ZNF646: variants seen among roughly 807,000 people sequenced by gnomAD.
ZNF646 encodes zinc finger protein 646.
Under a neutral mutation model 115.4 loss-of-function variants are expected in ZNF646, and 49 were observed. The ratio of observed to expected loss-of-function variants is 0.42; its 90% CI spans 0.34 to 0.54. ZNF646 has a LOEUF of 0.54. ZNF646 is among the 20% of genes least tolerant of loss of function. The pLI, the probability that ZNF646 is intolerant of heterozygous loss-of-function variation, is 0.04. For missense variants in ZNF646, 2,269 were observed against 2,457.9 expected (o/e 0.92, Z 1.62); for synonymous variants, 933 against 939.0 (o/e 0.99, Z 0.12).
In ZNF646 at chr16:31,078,143, A is replaced by G. The variant is rs752940486; in HGVS notation, c.1819A>G (p.Thr607Ala). ...HGAGEKENSR[T>A]ETTMSPPRAF... ...GGCAGGGGAAAAGGAAAATAGCAGAACAGAGACCACAATGTCACCTCCTAG... is the reference window on the plus strand; with the variant it reads ...GGCAGGGGAAAAGGAAAATAGCAGAGCAGAGACCACAATGTCACCTCCTAG... The change falls in exon 2 of 3, where the codon ACA becomes GCA. Residue 607 changes from threonine (T) to alanine (A), a missense_variant. Thr to Ala is a moderately conservative substitution (Grantham distance 58). Coordinates refer to ENST00000300850, the MANE Select transcript of ZNF646 (RefSeq NM_014699.4). 2 of 1,614,106 alleles carry G rather than the reference A, an allele frequency of 1.2e-6. No individual in the cohort carries two copies. The highest frequency in any genetic ancestry group is 1.7e-6 in the Non-Finnish European group (2 of 1,180,038).
At position 31,077,643 on chromosome 16, in the gene ZNF646, C is replaced by T. The variant is rs1436828602; in HGVS notation, c.1319C>T (p.Pro440Leu). The part of the protein sequence containing the change: ...VGENGQPSVP[P>L]APLLLAETTH... ...GAAAATGGGCAGCCATCAGTCCCAC[C>T]AGCTCCCCTGCTGCTGGCTGAGACC... The change falls in exon 2 of 3, where the codon CCA becomes CTA. Residue 440 changes from proline (P) to leucine (L), a missense_variant. Around this residue, in one of 5 missense-constraint regions of ZNF646, gnomAD observed 852 missense variants for 900.2 expected, o/e 0.95. Coordinates refer to ENST00000300850, the MANE Select transcript of ZNF646 (RefSeq NM_014699.4). The T allele has an allele frequency of 6.2e-7, 1 of 1,613,966 alleles. No homozygotes were observed. Among genetic ancestry groups the T allele is most frequent in the East Asian group, 2.2e-5 (1 of 44,880 alleles).
rs1327640342 is a variant in ZNF646 at position 31,080,291 on chromosome 16, A to T, written c.3967A>T (p.Thr1323Ser). The T allele has an allele frequency of 6.2e-7, 1 of 1,613,004 alleles. No homozygotes were observed. Among genetic ancestry groups the T allele is most frequent in the South Asian group, 1.1e-5 (1 of 91,084 alleles). The change falls in exon 2 of 3, where the codon ACG becomes TCG. Residue 1323 changes from threonine (T) to serine (S), a missense_variant. Thr to Ser is a moderately conservative substitution (Grantham distance 58, BLOSUM62 1). Around this residue, in one of 5 missense-constraint regions of ZNF646, gnomAD observed 1,062 missense variants for 1,172.8 expected, o/e 0.91. Coordinates refer to ENST00000300850, the MANE Select transcript of ZNF646 (RefSeq NM_014699.4). ...CCTGAACCACCGGCGCAGCCACGAGACGGGCCAGTACAGCTGCCCCACCTG... is the reference window on the plus strand; with the variant it reads ...CCTGAACCACCGGCGCAGCCACGAGTCGGGCCAGTACAGCTGCCCCACCTG... ...SLLNHRRSHE[T>S]GQYSCPTCPK... is the part of the protein sequence containing the mutation.
upstream of ZNF646, chr16:31,074,100 C>T (rs910217111): frequency 6.6e-6 from 1 of 152,224 alleles, no homozygotes; most frequent in Admixed American, 6.5e-5. Flanking sequence ...CTCCATCTGC[C>T]TTGGGAAAAG....
chr16:31,074,212 T>G (rs1293222847), upstream of ZNF646: 1 of 152,268 alleles, frequency 6.6e-6, no homozygotes, highest in Non-Finnish European at 1.5e-5. Flanking sequence ...ACCGGAACGA[T>G]TCTAGCTGCT....
In ZNF646 at chr16:31,080,342, G is replaced by T; in HGVS notation, c.4018G>T (p.Ala1340Ser). 6.2e-7 allele frequency: 1 copy of T among 1,613,580 alleles called. No homozygotes were observed. Among genetic ancestry groups the T allele is most frequent in the Non-Finnish European group, 8.5e-7 (1 of 1,179,924 alleles). Residue 1340 changes from alanine (A) to serine (S), a missense_variant, in exon 2 of 3, where the codon GCC becomes TCC. Ala to Ser is a moderately conservative substitution (Grantham distance 99, BLOSUM62 1). This residue lies in a region of ZNF646 where 1,062 missense variants were observed against 1,172.8 expected (regional missense o/e 0.91). Coordinates refer to ENST00000300850, the MANE Select transcript of ZNF646 (RefSeq NM_014699.4). ...CCCCAAGACCTACTCCAACCGCATG[G>T]CCCTGAAGGACCACCAGAGGCTGCA... ...TCPKTYSNRM[A>S]LKDHQRLHSE...
chr16:31,081,317 G>A lies in ZNF646; in HGVS notation c.4993G>A (p.Val1665Met), dbSNP rs1332316020. 1 of 1,613,960 alleles carries A rather than the reference G, an allele frequency of 6.2e-7. No individual in the cohort carries two copies. Among genetic ancestry groups the A allele is most frequent in the Non-Finnish European group, 8.5e-7 (1 of 1,179,884 alleles). The change falls in exon 2 of 3, where the codon GTG becomes ATG. Residue 1665 changes from valine (V) to methionine (M), a missense_variant. Physicochemically the swap from Val to Met is conservative, Grantham distance 21. Coordinates refer to ENST00000300850, the MANE Select transcript of ZNF646 (RefSeq NM_014699.4). ...GGAGAGAGCCAGGGGAGGACAAGCG[G>A]TGACGTCCATGGCGGCTGAGGACAA... ...SVERARGGQA[V>M]TSMAAEDKER...
At chr16:31,073,306 AG>A, upstream of ZNF646, 1 of 152,586 alleles carries the variant, frequency 6.6e-6, no homozygotes, top group Admixed American at 6.5e-5. Context: ...GGGCCTCAGC[AG>A]GGGAGGGGGC....
At chr16:31,073,821 G>A (rs777010483), upstream of ZNF646, 24 of 152,272 alleles carry the variant, frequency 1.6e-4, no homozygotes, top group African/African-American at 5.5e-4. Context: ...CAGCTAGGAA[G>A]GAAGGGAAAG....
Position 31,079,275 on chromosome 16 carries a change from C to G in ZNF646, c.2951C>G (p.Thr984Ser), listed in dbSNP as rs746843535. Residue 984 changes from threonine (T) to serine (S), a missense_variant, in exon 2 of 3, where the codon ACT becomes AGT. Transcript: ENST00000300850. This position sits in a 1 kb window ranked among gnomAD's most constrained non-coding sequence, Gnocchi z 5.5. ...CACCACCAAAGTCAGAGTTCTGGGA[C>G]TACTGCAGACAAGGCTCCCAGCCCC... ...ERHHQSQSSG[T>S]TADKAPSPLG... The G allele has an allele frequency of 6.2e-7, 1 of 1,613,766 alleles. No homozygotes were observed. The highest frequency in any genetic ancestry group is 1.3e-5 in the African/African-American group (1 of 74,944).
In ZNF646 at chr16:31,080,353, C is replaced by T; in HGVS notation, c.4029C>T (p.Asp1343=). The change falls in exon 2 of 3, where the codon GAC becomes GAT. Residue 1343 remains aspartate, a synonymous_variant. Transcript: ENST00000300850. ...ACTCCAACCGCATGGCCCTGAAGGACCACCAGAGGCTGCACTCAGAGAATC... is the reference window on the plus strand; with the variant it reads ...ACTCCAACCGCATGGCCCTGAAGGATCACCAGAGGCTGCACTCAGAGAATC... ...KTYSNRMALK[D]HQRLHSENRR... 1 of 1,613,552 alleles carries T rather than the reference C, an allele frequency of 6.2e-7. No individual in the cohort carries two copies. Among genetic ancestry groups the T allele is most frequent in the Non-Finnish European group, 8.5e-7 (1 of 1,179,914 alleles).
At position 31,077,775 on chromosome 16, in the gene ZNF646, G is replaced by A. The variant is rs560606898; in HGVS notation, c.1451G>A (p.Arg484His). 7 of 1,613,934 alleles carry A rather than the reference G, an allele frequency of 4.3e-6. No individual in the cohort carries two copies. In the Admixed American group the frequency reaches 6.7e-5, roughly 15 times the overall value. ...CACCGGGGGAGCCTGGTGAACCATC[G>A]CCACAGCCATCGGACTGGAGAGTAC... ...YRHRGSLVNH[R>H]HSHRTGEYQC... The change falls in exon 2 of 3, where the codon CGC (arginine) becomes CAC (histidine). Residue 484 changes from arginine to histidine, a missense_variant. Transcript: ENST00000300850.
Position 31,079,460 on chromosome 16 carries a change from G to A in ZNF646, c.3136G>A (p.Glu1046Lys), listed in dbSNP as rs2057125165. Residue 1046 changes from glutamate (E) to lysine (K), a missense_variant, in exon 2 of 3, where the codon GAG becomes AAG. By Grantham distance (56) the Glu-to-Lys change is moderately conservative. Around this residue, in one of 5 missense-constraint regions of ZNF646, gnomAD observed 1,062 missense variants for 1,172.8 expected, o/e 0.91. Coordinates refer to ENST00000300850, the MANE Select transcript of ZNF646 (RefSeq NM_014699.4). This position sits in a 1 kb window ranked among gnomAD's most constrained non-coding sequence, Gnocchi z 5.5. ...CATCCAGGGTGGGGAAAGTTTGTTGGAGGCTCAGCCCCGCCCCTTCCGCTG... is the reference window on the plus strand; with the variant it reads ...CATCCAGGGTGGGGAAAGTTTGTTGAAGGCTCAGCCCCGCCCCTTCCGCTG... ...LCIQGGESLL[E>K]AQPRPFRCNQ... 6.2e-7 allele frequency: 1 copy of A among 1,613,544 alleles called. No homozygotes were observed. The highest frequency in any genetic ancestry group is 8.5e-7 in the Non-Finnish European group (1 of 1,179,922).
chr16:31,080,398 G>A lies in ZNF646; in HGVS notation c.4074G>A (p.Arg1358=). The A allele has an allele frequency of 6.2e-7, 1 of 1,613,144 alleles. No individual in the cohort carries two copies. Among genetic ancestry groups the A allele is most frequent in the South Asian group, 1.1e-5 (1 of 91,068 alleles). ...HSENRRRRAG[R]SRRTAVRCAL... is the part of the protein sequence containing the mutation. ...AGAATCGGCGGCGACGGGCTGGACGGTCCAGGCGCACAGCTGTGCGTTGCG... is the reference window on the plus strand; with the variant it reads ...AGAATCGGCGGCGACGGGCTGGACGATCCAGGCGCACAGCTGTGCGTTGCG... The change falls in exon 2 of 3, where the codon CGG becomes CGA. Residue 1358 remains arginine, a synonymous_variant. Coordinates refer to ENST00000300850, the MANE Select transcript of ZNF646 (RefSeq NM_014699.4).
chr16:31,075,966 A>G, intron 1 of ZNF646: 2 of 213,444 alleles, frequency 9.4e-6, no homozygotes, highest in Non-Finnish European at 1.8e-5. Context: ...AGAACATAAC[A>G]GGTCTGTGAT....
In ZNF646 at chr16:31,084,118, C is replaced by T. The variant is rs747163233; in HGVS notation, c.*1026C>T. 4.5e-6 allele frequency: 7 copies of T among 1,572,452 alleles called. No homozygotes were observed. In the Admixed American group the frequency reaches 1.3e-4, roughly 29 times the overall value. On this transcript the variant is annotated 3_prime_UTR_variant, in exon 3 of 3. Coordinates refer to ENST00000300850, the MANE Select transcript of ZNF646 (RefSeq NM_014699.4). The stretch of plus-strand genomic sequence containing the variant: ...TGGCAGGAGGCCCCGGGGCCACATA[C>T]TTATGTTGGCCAGGCAGCTTCCAGG...
Position 31,083,934 on chromosome 16 carries a change from CAA to C in ZNF646, c.*844_*845del. 6.5e-7 allele frequency: 1 copy of C among 1,539,830 alleles called. No homozygotes were observed. Among genetic ancestry groups the C allele is most frequent in the Non-Finnish European group, 8.8e-7 (1 of 1,140,458 alleles). On this transcript the variant is annotated 3_prime_UTR_variant, in exon 3 of 3. Transcript: ENST00000300850. The stretch of plus-strand genomic sequence containing the variant: ...CATGACAGATGAGAATACTGAGGCT[CAA>C]AGCGGTTGAGCAGCCTGCTCCAAGT...
intron 2 of ZNF646, 35 bp downstream of exon 2, chr16:31,081,736 C>T: frequency 6.5e-7 from 1 of 1,533,468 alleles, no homozygotes; most frequent in Non-Finnish European, 8.8e-7. Flanking sequence ...AGGAGGTGGG[C>T]ACACAGTGGA....
rs1296754862 is a variant in ZNF646, at chr16:31,078,647, C to G, written c.2323C>G (p.Pro775Ala). The G allele has an allele frequency of 1.9e-6, 3 of 1,613,998 alleles. No homozygotes were observed. In the African/African-American group the frequency reaches 4.0e-5, roughly 22 times the overall value. ...CAGTTTACTTGACAACTTGGACATC[C>G]CAGGTGAGGAAGGTGGTGGCACTCA... Reference protein sequence around the residue: ...DASLLDNLDIPGEEGGGTHFC... With the variant: ...DASLLDNLDIAGEEGGGTHFC... The change falls in exon 2 of 3, where the codon CCA becomes GCA. Residue 775 changes from proline to alanine, a missense_variant. Physicochemically the swap from Pro to Ala is conservative, Grantham distance 27. This residue lies in a region of ZNF646 where 852 missense variants were observed against 900.2 expected (regional missense o/e 0.95). Coordinates refer to ENST00000300850, the MANE Select transcript of ZNF646 (RefSeq NM_014699.4).
In ZNF646 at chr16:31,078,576, A is replaced by T; in HGVS notation, c.2252A>T (p.Asp751Val). Residue 751 changes from aspartate to valine, a missense_variant, in exon 2 of 3, where the codon GAT (aspartate) becomes GTT (valine). Around this residue, in one of 5 missense-constraint regions of ZNF646, gnomAD observed 852 missense variants for 900.2 expected, o/e 0.95. Transcript: ENST00000300850. ...AGGGATGAGACCCATTTCCAGGGTGATAAAGAGAGCGGAGGCACTGGGGAA... is the reference window on the plus strand; with the variant it reads ...AGGGATGAGACCCATTTCCAGGGTGTTAAAGAGAGCGGAGGCACTGGGGAA... ...LERDETHFQG[D>V]KESGGTGEGL... 6.2e-7 allele frequency: 1 copy of T among 1,610,996 alleles called. No homozygotes were observed. The highest frequency in any genetic ancestry group is 8.5e-7 in the Non-Finnish European group (1 of 1,177,864).
Sources: allele counts gnomAD v4.1 joint callset, GRCh38; gene constraint gnomAD v4.1.1; regional missense constraint gnomAD v4.1.1; non-coding constraint Gnocchi (gnomAD v3.1); transcripts MANE v1.5; gene names NCBI Gene and HGNC (gene_info 2026-07-23, HGNC 2026-07-21).